The following CIB4 variants were observed in gnomAD, a reference collection of about 807,000 sequenced individuals.
CIB4 encodes the protein calcium and integrin-binding family member 4.
Under a neutral mutation model 25.8 loss-of-function variants are expected in CIB4, and 25 were observed. The ratio of observed to expected loss-of-function variants is 0.97; its 90% CI spans 0.71 to 1.35. The LOEUF (loss-of-function observed/expected upper bound fraction) is 1.35. Among genes scored for constraint, CIB4 ranks in the 40% most tolerant of loss-of-function variants. CIB4 has a pLI of 0.00. For synonymous variants in CIB4, 75 were observed against 81.4 expected (o/e 0.92, Z 0.42); for missense variants, 235 against 228.2 (o/e 1.03, Z -0.19).
chr2:26,610,188 C>T (rs1268124603), intron 3 of CIB4, among the ~76,000 whole-genome samples: 4 of 152,238 alleles, frequency 2.6e-5, no homozygotes, highest in East Asian at 1.9e-4. Context: ...GCACAGGGCA[C>T]GCTGGGAACC....
At chr2:26,604,311 A>T (rs1668849138) in intron 3 of CIB4, among the ~76,000 whole-genome samples, 1 of 151,158 alleles carries the variant, frequency 6.6e-6, no homozygotes, top group African/African-American at 2.4e-5. Context: ...GCTCAGGAGA[A>T]CGAAGCTGCA....
chr2:26,601,728 A>T (rs756121572), intron 3 of CIB4, among the ~76,000 whole-genome samples: 2 of 152,240 alleles, frequency 1.3e-5, no homozygotes, highest in Non-Finnish European at 2.9e-5. Flanking sequence ...ATGAAAAGGC[A>T]AGCCATAATA....
chr2:26,616,850 G>T (rs1662979), intron 3 of CIB4, among the ~76,000 whole-genome samples: 69,671 of 152,064 alleles, frequency 0.46, 17,109 homozygotes, highest in Non-Finnish European at 0.55. Flanking sequence ...CCGAGAAGAT[G>T]AAGAGATATG....
rs148656777 is a variant in CIB4 at position 26,637,978 on chromosome 2, C to T, written c.89+2555G>A. Among the ~76,000 whole-genome samples, 299 of 152,320 alleles carry T rather than the reference C, an allele frequency of 2.0e-3. 3 individuals carry two copies. The highest frequency in any genetic ancestry group is 6.9e-3 in the African/African-American group (285 of 41,560). On this transcript the variant is annotated intron_variant, in intron 2 of 6. Coordinates refer to ENST00000288861, the MANE Select transcript of CIB4 (RefSeq NM_001029881.3). ...ATACTTTGCCCTCTACTCTGCCTTC[C>T]TTATGCAGTGGCGTCCCCAACCCCA...
chr2:26,640,660 T>G, intron 1 of CIB4, 93 bp from the exon 2 acceptor site: 1 of 1,348,210 alleles, frequency 7.4e-7, no homozygotes, highest in Non-Finnish European at 1.0e-6. Context: ...GGGGAGGAAA[T>G]GCCCATTCTT....
In CIB4 at chr2:26,629,413, C is replaced by A. The variant is rs1669372463; in HGVS notation, c.183G>T (p.Leu61=). ...TMDQVSSLPA[L]RVNPFRDRIC... The stretch of plus-strand genomic sequence containing the variant: ...CCACCCACCATCCTGGACTCACCCG[C>A]AGAGCTGGCAGGGAGCTGACCTGGT... The change falls in exon 3 of 7, where the codon CTG becomes CTT. Residue 61 remains leucine (L), a synonymous_variant. Coordinates refer to ENST00000288861, the MANE Select transcript of CIB4 (RefSeq NM_001029881.3). 1 of 1,572,996 alleles carries A rather than the reference C, an allele frequency of 6.4e-7. No homozygotes were observed. Among genetic ancestry groups the A allele is most frequent in the South Asian group, 1.2e-5 (1 of 85,498 alleles).
chr2:26,597,382 G>A (rs1668700309), intron 3 of CIB4, among the ~76,000 whole-genome samples: 1 of 150,698 alleles, frequency 6.6e-6, no homozygotes. Flanking sequence ...AAGACATATA[G>A]CCCATGACAC....
chr2:26,616,539 C>T (rs558263409), intron 3 of CIB4, among the ~76,000 whole-genome samples: 2 of 152,282 alleles, frequency 1.3e-5, no homozygotes, highest in South Asian at 2.1e-4. Context: ...CAGACAATTC[C>T]CAGGCCTACC....
chr2:26,588,100 G>C (rs542366630), intron 4 of CIB4, among the ~76,000 whole-genome samples: 1 of 152,376 alleles, frequency 6.6e-6, no homozygotes, highest in Non-Finnish European at 1.5e-5. Context: ...GCTCAGAGCA[G>C]GTGAAGGGGG....
intron 6 of CIB4, among the ~76,000 whole-genome samples, chr2:26,582,331 G>A (rs1483708745): frequency 6.6e-6 from 1 of 152,210 alleles, no homozygotes; most frequent in Non-Finnish European, 1.5e-5. Flanking sequence ...GGGAGATCTG[G>A]AGATGGCCAG....
Position 26,595,212 on chromosome 2 carries a change from G to A in CIB4, c.292C>T (p.Pro98Ser), listed in dbSNP as rs375605562. 6 of 1,613,764 alleles carry A rather than the reference G, an allele frequency of 3.7e-6. No homozygotes were observed. Among genetic ancestry groups the A allele is most frequent in the Non-Finnish European group, 3.4e-6 (4 of 1,179,740 alleles). ...MASVFSEQAC[P>S]SLKIEYAFRI... is the part of the protein sequence containing the mutation. ...AAGGCATACTCAATCTTCAGGCTTG[G>A]GCAGGCCTGCTCGCTGAACACAGAT... is the stretch of plus-strand genomic sequence containing the variant. Residue 98 changes from proline (P) to serine (S), a missense_variant, in exon 4 of 7, where the codon CCA becomes TCA. By Grantham distance (74) the Pro-to-Ser change is moderately conservative. Coordinates refer to ENST00000288861, the MANE Select transcript of CIB4 (RefSeq NM_001029881.3).
At chr2:26,601,231 A>AATATATAT (rs1165155834) in intron 3 of CIB4, among the ~76,000 whole-genome samples, 54 of 17,178 alleles carry the variant, frequency 3.1e-3, no homozygotes, top group African/African-American at 7.7e-3. Flanking sequence ...AAAAAAAAAA[A>AATATATAT]ATATATATAT....
In CIB4 at chr2:26,589,081, T is replaced by TCC. The variant is rs1558554965; in HGVS notation, c.329-5184_329-5183insGG. Among the ~76,000 whole-genome samples the TCC allele has an allele frequency of 8.3e-5, 7 of 84,110 alleles. 1 individual carries two copies. Among genetic ancestry groups the TCC allele is most frequent in the African/African-American group, 5.3e-4 (7 of 13,114 alleles). The allele number at this position is 84,110 out of a possible 152,430, so 55.2% of individuals were successfully genotyped here. On this transcript the variant is annotated intron_variant, in intron 4 of 6. Transcript: ENST00000288861. Reference sequence around the variant, plus strand: ...CTTCCTCTTCCTCTTCCTCTTCTTCTTCTTCTTCTTCTTCTTCTTCTTCTT... The same window carrying TCC: ...CTTCCTCTTCCTCTTCCTCTTCTTCTCCTCTTCTTCTTCTTCTTCTTCTTCTT...
intron 3 of CIB4, among the ~76,000 whole-genome samples, chr2:26,607,659 G>A (rs1405136400): frequency 4.6e-5 from 7 of 152,142 alleles, no homozygotes; most frequent in African/African-American, 7.2e-5. Context: ...GCCAGGACCC[G>A]GATAAACATT....
At chr2:26,638,607 G>A (rs1182517614) in intron 2 of CIB4, among the ~76,000 whole-genome samples, 2 of 152,162 alleles carry the variant, frequency 1.3e-5, no homozygotes. Flanking sequence ...CTTGCTGAGA[G>A]TACAAACTGG....
Position 26,640,523 on chromosome 2 carries a change from T to C in CIB4, c.89+10A>G, listed in dbSNP as rs942780313. The C allele has an allele frequency of 6.2e-7, 1 of 1,613,114 alleles. No individual in the cohort carries two copies. The highest frequency in any genetic ancestry group is 1.7e-5 in the Admixed American group (1 of 59,932). ...TGGGAGAAGGAAAGAGGGGCGGGGC[T>C]TCTACTCACCACAGAATTTCATTTC... On this transcript the variant is annotated intron_variant, in intron 2 of 6. Coordinates refer to ENST00000288861, the MANE Select transcript of CIB4 (RefSeq NM_001029881.3).
At chr2:26,613,118 T>C (rs1411689651) in intron 3 of CIB4, among the ~76,000 whole-genome samples, 1 of 152,200 alleles carries the variant, frequency 6.6e-6, no homozygotes, top group Non-Finnish European at 1.5e-5. Context: ...TTCAGCTTTC[T>C]AGGAGAGTGG....
At chr2:26,598,002 A>G (rs553763720) in intron 3 of CIB4, among the ~76,000 whole-genome samples, 1 of 152,250 alleles carries the variant, frequency 6.6e-6, no homozygotes, top group South Asian at 2.1e-4. Flanking sequence ...TCTTACTTTA[A>G]TAAAAAACAT....
intron 4 of CIB4, among the ~76,000 whole-genome samples, chr2:26,587,269 C>T (rs1318813176): frequency 7.7e-6 from 1 of 130,608 alleles, no homozygotes; most frequent in Non-Finnish European, 1.5e-5. Flanking sequence ...CACGCCACTG[C>T]ACTCCAGCCT....
Sources: allele counts gnomAD v4.1 joint callset (sites outside exome capture counted in the v4.1 genomes callset), GRCh38; gene constraint gnomAD v4.1.1; transcripts MANE v1.5; gene names NCBI Gene and HGNC (gene_info 2026-07-23, HGNC 2026-07-21).